Variants in FHIP1A observed in about 807,000 individuals in gnomAD.
FHIP1A encodes the protein FHF complex subunit HOOK interacting protein 1A, also known as FHF complex subunit HOOK-interacting protein 1A.
FHIP1A carries 61 observed loss-of-function variants against 88.6 expected under a neutral mutation model. The observed-to-expected ratio is 0.69, with a 90% confidence interval of 0.56 to 0.85. FHIP1A has a LOEUF of 0.85. FHIP1A is among the 40% of genes least tolerant of loss of function. FHIP1A has a pLI of 0.00. For synonymous variants in FHIP1A, 478 were observed against 496.0 expected (o/e 0.96, Z 0.48); for missense variants, 1,154 against 1,273.5 (o/e 0.91, Z 1.43).
At chr4:151,649,362 G>A in intron 10 of FHIP1A, 97 bp from the exon 11 acceptor site, 1 of 753,776 alleles carries the variant, frequency 1.3e-6, no homozygotes. Flanking sequence ...CAAAGTAGCT[G>A]GCAAGACACA....
chr4:151,529,589 T>C (rs1376529810), intron 3 of FHIP1A, among the ~76,000 whole-genome samples: 2 of 152,086 alleles, frequency 1.3e-5, no homozygotes, highest in African/African-American at 4.8e-5. Flanking sequence ...AGGTTGATGG[T>C]GTGTGTATGT....
At chr4:151,438,648 C>T (rs1728298309) in intron 1 of FHIP1A, among the ~76,000 whole-genome samples, 2 of 130,360 alleles carry the variant, frequency 1.5e-5, no homozygotes, top group African/African-American at 5.9e-5. Flanking sequence ...GATTACTTTT[C>T]ACCAACCTAA....
At chr4:151,516,894 T>G (rs1191935305) in intron 3 of FHIP1A, among the ~76,000 whole-genome samples, 1 of 152,060 alleles carries the variant, frequency 6.6e-6, no homozygotes, top group East Asian at 1.9e-4. Flanking sequence ...GTCAGTGTGG[T>G]GATTCCTCAG....
At chr4:151,443,975 C>T (rs1728502956) in intron 1 of FHIP1A, among the ~76,000 whole-genome samples, 1 of 151,984 alleles carries the variant, frequency 6.6e-6, no homozygotes, top group Non-Finnish European at 1.5e-5. Flanking sequence ...GTCATCACTT[C>T]ACCCCCTATT....
At chr4:151,593,425 C>G (rs1734519315) in intron 7 of FHIP1A, among the ~76,000 whole-genome samples, 1 of 152,092 alleles carries the variant, frequency 6.6e-6, no homozygotes, top group South Asian at 2.1e-4. Flanking sequence ...TGTTTGTGTC[C>G]TCTCTTATTT....
At chr4:151,418,968 C>T (rs1000686156) in intron 1 of FHIP1A, among the ~76,000 whole-genome samples, 3 of 152,132 alleles carry the variant, frequency 2.0e-5, no homozygotes, top group Non-Finnish European at 4.4e-5. Flanking sequence ...CAAACTATAG[C>T]TGTGCTCATG....
intron 3 of FHIP1A, among the ~76,000 whole-genome samples, chr4:151,565,817 A>G (rs933733223): frequency 6.6e-6 from 1 of 151,902 alleles, no homozygotes; most frequent in African/African-American, 2.4e-5. Flanking sequence ...ATAGTTTCTT[A>G]CTTGATTCTA....
At chr4:151,657,288 CTT>C (rs1737280778) in intron 13 of FHIP1A, among the ~76,000 whole-genome samples, 1 of 152,250 alleles carries the variant, frequency 6.6e-6, no homozygotes, top group East Asian at 1.9e-4. Context: ...CATGTGTTCT[CTT>C]TATTATGTTT....
chr4:151,455,778 GTTAA>G (rs1213069663), intron 2 of FHIP1A, among the ~76,000 whole-genome samples: 1 of 152,158 alleles, frequency 6.6e-6, no homozygotes, highest in Non-Finnish European at 1.5e-5. Context: ...TTACTTTACT[GTTAA>G]TTAATTGATT....
At chr4:151,615,566 A>T (rs143805661) in intron 7 of FHIP1A, among the ~76,000 whole-genome samples, 43 of 152,254 alleles carry the variant, frequency 2.8e-4, no homozygotes, top group African/African-American at 9.6e-4. Context: ...TTTGGTGGGG[A>T]TGGCAAGGGG....
intron 3 of FHIP1A, among the ~76,000 whole-genome samples, chr4:151,499,598 A>G (rs987767958): frequency 2.7e-4 from 41 of 152,328 alleles, no homozygotes; most frequent in African/African-American, 9.4e-4. Flanking sequence ...TCCTTGTATT[A>G]GTCCACTCTC....
chr4:151,434,389 A>G (rs1307606486), intron 1 of FHIP1A, among the ~76,000 whole-genome samples: 1 of 152,202 alleles, frequency 6.6e-6, no homozygotes, highest in African/African-American at 2.4e-5. Context: ...AAATATAAGG[A>G]CTCAGCATAT....
chr4:151,557,098 T>C (rs1732979140), intron 3 of FHIP1A, among the ~76,000 whole-genome samples: 1 of 152,212 alleles, frequency 6.6e-6, no homozygotes. Context: ...TAATCAATTT[T>C]TGGTAATTAC....
chr4:151,618,970 C>T (rs557327400), intron 7 of FHIP1A, among the ~76,000 whole-genome samples: 1 of 152,222 alleles, frequency 6.6e-6, no homozygotes, highest in Non-Finnish European at 1.5e-5. Context: ...CCTTAAGCAC[C>T]CAGGGTAGAA....
chr4:151,589,024 C>A, intron 7 of FHIP1A, 98 bp downstream of exon 7: 1 of 850,656 alleles, frequency 1.2e-6, no homozygotes, highest in Non-Finnish European at 1.9e-6. Context: ...GTGATTTTAG[C>A]CTGATTTTTC....
At chr4:151,463,045 G>A (rs1027248753) in intron 2 of FHIP1A, among the ~76,000 whole-genome samples, 2 of 152,324 alleles carry the variant, frequency 1.3e-5, no homozygotes, top group Non-Finnish European at 2.9e-5. Context: ...GTCTTTTAGA[G>A]CTCCTGTGAG....
At chr4:151,465,463 A>G (rs1580598099) in intron 2 of FHIP1A, among the ~76,000 whole-genome samples, 2 of 152,154 alleles carry the variant, frequency 1.3e-5, no homozygotes. Context: ...GCTGATACCA[A>G]TCCTTCTGAA....
intron 3 of FHIP1A, among the ~76,000 whole-genome samples, chr4:151,519,547 A>G (rs1350325530): frequency 6.6e-6 from 1 of 151,950 alleles, no homozygotes; most frequent in Non-Finnish European, 1.5e-5. Context: ...TTCTTCTACA[A>G]GTCTTTTTGT....
chr4:151,583,730 T>C (rs1213535089), intron 5 of FHIP1A, among the ~76,000 whole-genome samples: 1 of 152,204 alleles, frequency 6.6e-6, no homozygotes, highest in Non-Finnish European at 1.5e-5. Flanking sequence ...CAAATGTAAT[T>C]GATTTAAAAA....
Sources: gnomAD v4.1 joint callset for allele counts (sites outside exome capture counted in the v4.1 genomes callset) on GRCh38, gnomAD v4.1.1 for gene constraint, MANE v1.5 for transcripts, NCBI Gene and HGNC (gene_info 2026-07-23, HGNC 2026-07-21) for gene names.